CSAG1: variants seen among roughly 807,000 people sequenced by gnomAD.
CSAG1 encodes chondrosarcoma-associated gene 1 protein.
A neutral mutation model predicts 4.8 loss-of-function variants in CSAG1; 4 were observed. The observed-to-expected ratio is 0.83, with a 90% CI of 0.41 to 1.90. CSAG1 has a LOEUF of 1.90. CSAG1 is among the 40% of genes most tolerant of loss of function. The probability of loss-of-function intolerance (pLI) is 0.03; values close to 1 mark genes in which losing one functional copy is unlikely to be tolerated. For synonymous variants in CSAG1, 21 were observed against 23.1 expected, an observed-to-expected ratio of 0.91 and a Z score of 0.26; for missense variants, 69 against 59.5, an observed-to-expected ratio of 1.16 and a Z score of -0.53.
chrX:152,733,419 G>C (rs781844237), intron 1 of CSAG1, among the ~76,000 whole-genome samples: 48 of 111,559 alleles, frequency 4.3e-4, no homozygotes, highest in African/African-American at 1.4e-3. Context: ...AGGCAATAAT[G>C]TCACCCCGAC....
intron 2 of CSAG1, among the ~76,000 whole-genome samples, chrX:152,730,664 T>C (rs1448218861): frequency 8.9e-6 from 1 of 112,381 alleles, no homozygotes; most frequent in African/African-American, 3.2e-5. Flanking sequence ...CCACCTAGTC[T>C]ACACTATTTT....
rs1473094890 is a variant in CSAG1, at chrX:152,733,332, G to T, written c.-45+336C>A. The T allele has an allele frequency of 4.5e-5, 5 of 112,231 alleles. No homozygotes were observed. In the East Asian group the frequency reaches 1.1e-3, roughly 25 times the overall value. The allele number at this position is 112,231 out of a possible 1,213,427, so 9.2% of individuals were successfully genotyped here. A position where few individuals can be genotyped will look rare whatever the true frequency, so the allele number is the denominator to read the frequency against. ...GAGGAAGAGGACCCTCTTGAGTGAGGACTGAGGGTCCACCCTCCCCCACGT... is the reference window on the plus strand; with the variant it reads ...GAGGAAGAGGACCCTCTTGAGTGAGTACTGAGGGTCCACCCTCCCCCACGT... On this transcript the variant is annotated intron_variant, in intron 1 of 3. Transcript: ENST00000452779.
Position 152,727,661 on chromosome X carries a change from A to G in CSAG1, c.*133T>C, listed in dbSNP as rs1932042920. 1 of 797,106 alleles carries G rather than the reference A, an allele frequency of 1.3e-6. No individual in the cohort carries two copies. The highest frequency in any genetic ancestry group is 1.9e-6 in the Non-Finnish European group (1 of 523,941). 65.7% of individuals were successfully genotyped at this position (797,106 alleles called of 1,213,427 possible). A position where few individuals can be genotyped will look rare whatever the true frequency, so the allele number is the denominator to read the frequency against. On this transcript the variant is annotated 3_prime_UTR_variant, in exon 4 of 4. Coordinates refer to ENST00000452779, the MANE Select transcript of CSAG1 (RefSeq NM_001102576.3). ...TACTGGCTGCCCAAGGAAGCACTGG[A>G]GAAGGCGGTGGTCTCCTTGCCCTTG...
intron 2 of CSAG1, among the ~76,000 whole-genome samples, chrX:152,730,166 G>A (rs2515844): frequency 0.011 from 1,156 of 106,954 alleles, 15 homozygotes; most frequent in Middle Eastern, 0.033. Context: ...AGAAAGAAAC[G>A]AGTCTAAAAA....
intron 2 of CSAG1, among the ~76,000 whole-genome samples, chrX:152,728,788 C>T (rs1932082776): frequency 9.0e-6 from 1 of 111,372 alleles, no homozygotes; most frequent in Non-Finnish European, 1.9e-5. Flanking sequence ...CTTGGCCCTT[C>T]CTCTGTGCAT....
At chrX:152,728,949 C>A (rs1373487008) in intron 2 of CSAG1, among the ~76,000 whole-genome samples, 1 of 111,602 alleles carries the variant, frequency 9.0e-6, no homozygotes, top group Non-Finnish European at 1.9e-5. Flanking sequence ...TCCTTAGAAG[C>A]CTCATCACCA....
In CSAG1 at chrX:152,727,629, T is replaced by C. The variant is rs1556830455; in HGVS notation, c.*165A>G. 8.5e-4 allele frequency: 530 copies of C among 620,612 alleles called. No homozygotes were observed. The highest frequency in any genetic ancestry group is 1.2e-3 in the Non-Finnish European group (443 of 379,120). The allele number at this position is 620,612 out of a possible 1,213,427, so 51.1% of individuals were successfully genotyped here. On this transcript the variant is annotated 3_prime_UTR_variant, in exon 4 of 4. Transcript: ENST00000452779. ...TAGACTTGAAGTCTCTGGCCTTGCC[T>C]GGGAATTACTGGCTGCCCAAGGAAG... is the stretch of plus-strand genomic sequence containing the variant.
At position 152,728,151 on chromosome X, in the gene CSAG1, G is replaced by C. The variant is rs1229930136; in HGVS notation, c.90C>G (p.Asp30Glu). The change falls in exon 3 of 4, where the codon GAC becomes GAG. Residue 30 changes from aspartate to glutamate, a missense_variant. Asp to Glu is a conservative substitution (Grantham distance 45, BLOSUM62 2). Transcript: ENST00000452779. Reference protein sequence around the residue: ...DQVDWSRLYRDTGLVKMSRKP... With the variant: ...DQVDWSRLYRETGLVKMSRKP... ...TCCTGGACATCTTCACCAGACCAGT[G>C]TCTCTGTACAGTCTACTCCAGTCCA... The C allele has an allele frequency of 1.7e-6, 2 of 1,211,330 alleles. No individual in the cohort carries two copies. Among genetic ancestry groups the C allele is most frequent in the South Asian group, 1.8e-5 (1 of 56,942 alleles).
intron 2 of CSAG1, among the ~76,000 whole-genome samples, chrX:152,729,783 G>A (rs1932115956): frequency 9.1e-6 from 1 of 110,218 alleles, no homozygotes; most frequent in African/African-American, 3.3e-5. Context: ...ATGCAACATG[G>A]CACAGCCACT....
rs1402289416 is a variant in CSAG1, at chrX:152,727,595, C to T, written c.*199G>A. ...TTATCTGGGGTTAGACTTCTGGAGA[C>T]TTTTCAGATAGACTTGAAGTCTCTG... is the stretch of plus-strand genomic sequence containing the variant. On this transcript the variant is annotated 3_prime_UTR_variant, in exon 4 of 4. Coordinates refer to ENST00000452779, the MANE Select transcript of CSAG1 (RefSeq NM_001102576.3). The T allele has an allele frequency of 3.9e-6, 2 of 511,394 alleles. No individual in the cohort carries two copies. Among genetic ancestry groups the T allele is most frequent in the East Asian group, 3.6e-5 (1 of 27,650 alleles). 42.1% of individuals were successfully genotyped at this position (511,394 alleles called of 1,213,427 possible). A position where few individuals can be genotyped will look rare whatever the true frequency, so the allele number is the denominator to read the frequency against.
chrX:152,731,650 T>C (rs1244978648), intron 2 of CSAG1, among the ~76,000 whole-genome samples: 1 of 110,223 alleles, frequency 9.1e-6, no homozygotes, highest in Non-Finnish European at 1.9e-5. Context: ...TAGCAGTAAA[T>C]ACCTTACCTA....
intron 2 of CSAG1, among the ~76,000 whole-genome samples, chrX:152,730,335 G>A (rs1227058990): frequency 3.1e-4 from 35 of 112,019 alleles, no homozygotes; most frequent in African/African-American, 9.3e-4. Flanking sequence ...TGGTGGTTCC[G>A]TGCTTGCTTT....
In CSAG1 at chrX:152,732,344, A is replaced by T. The variant is rs1365861262; in HGVS notation, c.16+101T>A. 2.1e-5 allele frequency: 22 copies of T among 1,034,821 alleles called. No homozygotes were observed. The Admixed American group carries it at 7.8e-4, about 37-fold the overall frequency. 85.3% of individuals were successfully genotyped at this position (1,034,821 alleles called of 1,213,427 possible). ...TATACTGACATATTCAGGAAAAAAT[A>T]GCTTGACATACATAGAGGAGTATAA... On this transcript the variant is annotated intron_variant, in intron 2 of 3. Transcript: ENST00000452779.
Position 152,727,569 on chromosome X carries a change from T to G in CSAG1, c.*225A>C. 2.2e-6 allele frequency: 1 copy of G among 462,032 alleles called. No homozygotes were observed. Among genetic ancestry groups the G allele is most frequent in the Non-Finnish European group, 3.8e-6 (1 of 260,925 alleles). The allele number at this position is 462,032 out of a possible 1,213,427, so 38.1% of individuals were successfully genotyped here. A position where few individuals can be genotyped will look rare whatever the true frequency, so the allele number is the denominator to read the frequency against. On this transcript the variant is annotated 3_prime_UTR_variant, in exon 4 of 4. Transcript: ENST00000452779. ...AACGTACTCTACACCCTGTTGGCTA[T>G]TTATCTGGGGTTAGACTTCTGGAGA... is the stretch of plus-strand genomic sequence containing the variant.
At position 152,727,667 on chromosome X, in the gene CSAG1, C is replaced by A. The variant is rs1282134091; in HGVS notation, c.*127G>T. 24 of 830,691 alleles carry A rather than the reference C, an allele frequency of 2.9e-5. No homozygotes were observed. The highest frequency in any genetic ancestry group is 4.3e-5 in the Non-Finnish European group (24 of 553,416). The allele number at this position is 830,691 out of a possible 1,213,427, so 68.5% of individuals were successfully genotyped here. A position where few individuals can be genotyped will look rare whatever the true frequency, so the allele number is the denominator to read the frequency against. On this transcript the variant is annotated 3_prime_UTR_variant, in exon 4 of 4. Transcript: ENST00000452779. ...CTGCCCAAGGAAGCACTGGAGAAGG[C>A]GGTGGTCTCCTTGCCCTTGTGGTCC...
In CSAG1 at chrX:152,728,434, A is replaced by G. The variant is rs1280799902; in HGVS notation, c.17-210T>C. Among the ~76,000 whole-genome samples the G allele has an allele frequency of 8.0e-5, 9 of 112,493 alleles. No individual in the cohort carries two copies. In the East Asian group the frequency reaches 2.2e-3, roughly 28 times the overall value. On this transcript the variant is annotated intron_variant, in intron 2 of 3. Transcript: ENST00000452779. ...CATCTAGACTACTGTTTGACCACAC[A>G]GCTGAGCAGTATAGCCTAGACAAGT...
chrX:152,732,575 G>A (rs1932182897), intron 1 of CSAG1, 71 bp from the exon 2 acceptor site: 2 of 1,141,961 alleles, frequency 1.8e-6, no homozygotes, highest in African/African-American at 3.6e-5. Flanking sequence ...CAACAAAACA[G>A]GGCCAGTCCA....
In CSAG1 at chrX:152,728,088, T is replaced by C. The variant is rs2124962903; in HGVS notation, c.153A>G (p.Pro51=). ...CCCTTCCTCGCCTCTTTGGTGTTGA[T>C]GGGTGGTTGTTGGAAAATGGGCTGG... The part of the protein sequence containing the change: ...RASSPFSNNH[P]STPKRFPRQP... The change falls in exon 3 of 4, where the codon CCA becomes CCG. Residue 51 remains proline (P), a synonymous_variant. Transcript: ENST00000452779. 2.5e-6 allele frequency: 3 copies of C among 1,210,856 alleles called. No individual in the cohort carries two copies. The highest frequency in any genetic ancestry group is 1.7e-5 in the African/African-American group (1 of 57,470).
At chrX:152,733,489 G>T (rs1932210010) in intron 1 of CSAG1, among the ~76,000 whole-genome samples, 179 bp downstream of exon 1, 1 of 111,152 alleles carries the variant, frequency 9.0e-6, no homozygotes, top group Non-Finnish European at 1.9e-5. Context: ...GGTCTGAGGG[G>T]AGCAGACACA....
Sources: gnomAD v4.1 joint callset for allele counts (sites outside exome capture counted in the v4.1 genomes callset) on GRCh38, gnomAD v4.1.1 for gene constraint, MANE v1.5 for transcripts, NCBI Gene and HGNC (gene_info 2026-07-23, HGNC 2026-07-21) for gene names.